KIRREL3: variants seen among roughly 807,000 people sequenced by gnomAD.
KIRREL3 encodes kin of IRRE-like protein 3.
In KIRREL3, 36 loss-of-function variants were observed where a neutral mutation model predicts 89.7. The ratio of observed to expected loss-of-function variants is 0.40; its 90% CI spans 0.31 to 0.53. The LOEUF is 0.53. Among genes scored for constraint, KIRREL3 ranks in the 20% least tolerant of loss-of-function variants. KIRREL3 has a pLI of 0.49. For synonymous variants in KIRREL3, 445 were observed against 441.4 expected (o/e 1.01, Z -0.10); for missense variants, 864 against 1,056.6 (o/e 0.82, Z 2.53).
rs927393091 is a variant in KIRREL3, at chr11:126,744,608, G to T, written c.56-181696C>A. 3.3e-5 allele frequency among the ~76,000 whole-genome samples: 5 copies of T among 152,338 alleles called. No homozygotes were observed. The highest frequency in any genetic ancestry group is 1.2e-4 in the African/African-American group (5 of 41,578). ...CAGAACAGACAGAGCCACTAAATGG[G>T]GCTGAGGAAAAGCACTCAGAGCCTT... is the stretch of plus-strand genomic sequence containing the variant. On this transcript the variant is annotated intron_variant, in intron 1 of 16. Coordinates refer to ENST00000525144, the MANE Select transcript of KIRREL3 (RefSeq NM_032531.4). This position sits in a 1 kb window ranked among gnomAD's most constrained non-coding sequence, Gnocchi z 4.7.
chr11:126,914,716 C>T (rs1224492383), intron 1 of KIRREL3, among the ~76,000 whole-genome samples: 1 of 152,252 alleles, frequency 6.6e-6, no homozygotes, highest in African/African-American at 2.4e-5. Flanking sequence ...GAGACTTTCA[C>T]TTTCATGTTT....
At chr11:126,545,350 C>T (rs971569397) in intron 2 of KIRREL3, among the ~76,000 whole-genome samples, 7 of 152,092 alleles carry the variant, frequency 4.6e-5, no homozygotes, top group South Asian at 2.1e-4. Context: ...CTATCTGGAT[C>T]GGGGAGACAT....
rs183042090 is a variant in KIRREL3, at chr11:126,676,291, G to C, written c.56-113379C>G. Reference sequence around the variant, plus strand: ...TCAGGAGGGAAACACTCAGGGCCAGGCCGAGGCAGAGAAGCTTCTGGAGGG... The same window carrying C: ...TCAGGAGGGAAACACTCAGGGCCAGCCCGAGGCAGAGAAGCTTCTGGAGGG... On this transcript the variant is annotated intron_variant, in intron 1 of 16. Transcript: ENST00000525144. This position sits in a 1 kb window ranked among gnomAD's most constrained non-coding sequence, Gnocchi z 4.5. 1.5e-3 allele frequency among the ~76,000 whole-genome samples: 222 copies of C among 152,316 alleles called. No homozygotes were observed. Among genetic ancestry groups the C allele is most frequent in the Non-Finnish European group, 2.1e-3 (141 of 68,030 alleles).
Position 126,931,443 on chromosome 11 carries a change from G to T in KIRREL3, c.55+69012C>A, listed in dbSNP as rs539827848. Reference sequence around the variant, plus strand: ...TCACTGCTGGTTATGTGAAAGGGAAGGAGGATATAAAGACGGATTTTATTG... The same window carrying T: ...TCACTGCTGGTTATGTGAAAGGGAATGAGGATATAAAGACGGATTTTATTG... On this transcript the variant is annotated intron_variant, in intron 1 of 16. Coordinates refer to ENST00000525144, the MANE Select transcript of KIRREL3 (RefSeq NM_032531.4). This position sits in a 1 kb window ranked among gnomAD's most constrained non-coding sequence, Gnocchi z 5.1. 1.6e-3 allele frequency among the ~76,000 whole-genome samples: 239 copies of T among 152,272 alleles called. 1 individual carries two copies. The highest frequency in any genetic ancestry group is 5.5e-3 in the African/African-American group (229 of 41,554).
intron 4 of KIRREL3, among the ~76,000 whole-genome samples, chr11:126,507,903 G>A (rs866364059): frequency 5.3e-5 from 8 of 152,180 alleles, no homozygotes; most frequent in Admixed American, 2.0e-4. Context: ...CCCATGCCTC[G>A]TGCTGCCTCT....
In KIRREL3 at chr11:126,795,807, C is replaced by T. The variant is rs1034876523; in HGVS notation, c.55+204648G>A. 6.6e-6 allele frequency among the ~76,000 whole-genome samples: 1 copy of T among 152,008 alleles called. No homozygotes were observed. Among genetic ancestry groups the T allele is most frequent in the Non-Finnish European group, 1.5e-5 (1 of 68,018 alleles). ...GCCACTTCAACCACCAGTTCTTCTT[C>T]CCCCTGTGCACCCCAAGAGCGTACA... On this transcript the variant is annotated intron_variant, in intron 1 of 16. Coordinates refer to ENST00000525144, the MANE Select transcript of KIRREL3 (RefSeq NM_032531.4). This position sits in a 1 kb window ranked among gnomAD's most constrained non-coding sequence, Gnocchi z 4.1.
chr11:126,521,207 G>A lies in KIRREL3; in HGVS notation c.433+108C>T. 8.3e-7 allele frequency: 1 copy of A among 1,197,990 alleles called. No individual in the cohort carries two copies. The highest frequency in any genetic ancestry group is 3.0e-5 in the Admixed American group (1 of 32,844). 74.2% of individuals were successfully genotyped at this position (1,197,990 alleles called of 1,614,324 possible). On this transcript the variant is annotated intron_variant, in intron 4 of 16. Coordinates refer to ENST00000525144, the MANE Select transcript of KIRREL3 (RefSeq NM_032531.4). The surrounding 1 kb of genome is among the most constrained non-coding windows in gnomAD (Gnocchi z 4.1). ...AGCAGTGTCTGGAGCCCTGTGGGAT[G>A]ATCCCCAGAGGGGAGTCTCCCCATG... is the stretch of plus-strand genomic sequence containing the variant.
chr11:126,750,083 T>C lies in KIRREL3; in HGVS notation c.56-187171A>G, dbSNP rs547481858. Among the ~76,000 whole-genome samples, 1 of 152,310 alleles carries C rather than the reference T, an allele frequency of 6.6e-6. No individual in the cohort carries two copies. The highest frequency in any genetic ancestry group is 1.9e-4 in the East Asian group (1 of 5,186). On this transcript the variant is annotated intron_variant, in intron 1 of 16. Transcript: ENST00000525144. The surrounding 1 kb of genome is among the most constrained non-coding windows in gnomAD (Gnocchi z 4.2). ...CAGGCTGTGCTACTTAAATGGGGGC[T>C]TTTTGTGGATATTGAAAATAATGGA...
rs370271693 is a variant in KIRREL3, at chr11:126,521,474, C to T, written c.284-10G>A. ...AGGTACTGTGGGTAACCTGTGGAGA[C>T]AACAGGCAGGTCAGGGAGCTGGGGT... On this transcript the variant is annotated splice_polypyrimidine_tract_variant and intron_variant, in intron 3 of 16. Coordinates refer to ENST00000525144, the MANE Select transcript of KIRREL3 (RefSeq NM_032531.4). This position sits in a 1 kb window ranked among gnomAD's most constrained non-coding sequence, Gnocchi z 4.1. The T allele has an allele frequency of 2.0e-5, 31 of 1,578,164 alleles. No homozygotes were observed. In the South Asian group the frequency reaches 3.0e-4, roughly 15 times the overall value.
chr11:126,589,967 T>A (rs1942059741), intron 1 of KIRREL3, among the ~76,000 whole-genome samples: 1 of 152,198 alleles, frequency 6.6e-6, no homozygotes, highest in African/African-American at 2.4e-5. Context: ...AGGGGCTCCC[T>A]CTGAATACCA....
chr11:126,649,895 G>A (rs1324197946), intron 1 of KIRREL3, among the ~76,000 whole-genome samples: 3 of 152,238 alleles, frequency 2.0e-5, no homozygotes, highest in Non-Finnish European at 4.4e-5. Flanking sequence ...TTCTCCATGA[G>A]GTTCCCACCC....
chr11:126,610,263 G>A lies in KIRREL3; in HGVS notation c.56-47351C>T, dbSNP rs1299120417. On this transcript the variant is annotated intron_variant, in intron 1 of 16. Transcript: ENST00000525144. This position sits in a 1 kb window ranked among gnomAD's most constrained non-coding sequence, Gnocchi z 4.6. ...GCACCACCACGCCTGGCTAATTTTTGTATTTTTAATAGAGATGGGGGTTTC... is the reference window on the plus strand; with the variant it reads ...GCACCACCACGCCTGGCTAATTTTTATATTTTTAATAGAGATGGGGGTTTC... 6.6e-6 allele frequency among the ~76,000 whole-genome samples: 1 copy of A among 152,104 alleles called. No individual in the cohort carries two copies. Among genetic ancestry groups the A allele is most frequent in the African/African-American group, 2.4e-5 (1 of 41,412 alleles).
intron 2 of KIRREL3, among the ~76,000 whole-genome samples, chr11:126,556,890 C>T (rs749396266): frequency 1.3e-5 from 2 of 152,152 alleles, no homozygotes; most frequent in Non-Finnish European, 2.9e-5. Context: ...GGATATTATA[C>T]AAATAACGGG....
At position 126,678,461 on chromosome 11, in the gene KIRREL3, A is replaced by G. The variant is rs560149560; in HGVS notation, c.56-115549T>C. On this transcript the variant is annotated intron_variant, in intron 1 of 16. Transcript: ENST00000525144. ...TAAAAATACAAAAAATTAGCCAGGC[A>G]TGGTGGCAGGCGCCTGTAGTCCCAG... is the stretch of plus-strand genomic sequence containing the variant. Among the ~76,000 whole-genome samples the G allele has an allele frequency of 1.4e-4, 21 of 152,076 alleles. No homozygotes were observed. In the East Asian group the frequency reaches 3.9e-3, roughly 28 times the overall value.
In KIRREL3 at chr11:126,498,227, A is replaced by G. The variant is rs1457123162; in HGVS notation, c.433+23088T>C. ...GGGGAAGAGAGGGGTAGCACAAAAG[A>G]GGATTTACTTTCTTCCCCCAAAATG... is the stretch of plus-strand genomic sequence containing the variant. On this transcript the variant is annotated intron_variant, in intron 4 of 16. Transcript: ENST00000525144. This position sits in a 1 kb window ranked among gnomAD's most constrained non-coding sequence, Gnocchi z 4.3. Among the ~76,000 whole-genome samples, 1 of 152,198 alleles carries G rather than the reference A, an allele frequency of 6.6e-6. No individual in the cohort carries two copies. The highest frequency in any genetic ancestry group is 1.5e-5 in the Non-Finnish European group (1 of 68,022).
Position 126,900,413 on chromosome 11 carries a change from G to A in KIRREL3, c.55+100042C>T, listed in dbSNP as rs892949522. ...ATAACAAACACAAAAAAGAAAGCCT[G>A]CATGTTTATTGATAACAACCTGATA... is the stretch of plus-strand genomic sequence containing the variant. On this transcript the variant is annotated intron_variant, in intron 1 of 16. Transcript: ENST00000525144. This position sits in a 1 kb window ranked among gnomAD's most constrained non-coding sequence, Gnocchi z 4.4. 1.7e-4 allele frequency among the ~76,000 whole-genome samples: 26 copies of A among 152,286 alleles called. No homozygotes were observed. The highest frequency in any genetic ancestry group is 6.3e-4 in the African/African-American group (26 of 41,556).
Position 126,535,664 on chromosome 11 carries a change from G to A in KIRREL3, c.134-8977C>T, listed in dbSNP as rs1370484783. Among the ~76,000 whole-genome samples the A allele has an allele frequency of 6.6e-6, 1 of 152,118 alleles. No individual in the cohort carries two copies. The highest frequency in any genetic ancestry group is 1.9e-4 in the East Asian group (1 of 5,178). On this transcript the variant is annotated intron_variant, in intron 2 of 16. Coordinates refer to ENST00000525144, the MANE Select transcript of KIRREL3 (RefSeq NM_032531.4). This position sits in a 1 kb window ranked among gnomAD's most constrained non-coding sequence, Gnocchi z 4.5. ...CCTTTTCTCCAGCCAGACATTTGCT[G>A]CTTCTATTCCTTATCAAGCACTTAA...
Position 126,906,964 on chromosome 11 carries a change from A to G in KIRREL3, c.55+93491T>C, listed in dbSNP as rs1946613353. Among the ~76,000 whole-genome samples the G allele has an allele frequency of 1.3e-5, 2 of 152,350 alleles. No homozygotes were observed. The highest frequency in any genetic ancestry group is 4.1e-4 in the South Asian group (2 of 4,820). On this transcript the variant is annotated intron_variant, in intron 1 of 16. Transcript: ENST00000525144. The surrounding 1 kb of genome is among the most constrained non-coding windows in gnomAD (Gnocchi z 4.1). ...CATTGTTTAGATATTGAAAGACAGG[A>G]GGGAAGCAGACCTAGGAAGGAATCC...
At chr11:126,816,042 CTTG>C (rs778235336) in intron 1 of KIRREL3, among the ~76,000 whole-genome samples, 15 of 152,162 alleles carry the variant, frequency 9.9e-5, no homozygotes, top group Non-Finnish European at 2.2e-4. Context: ...AACCTCTTTC[CTTG>C]TTATTTATTT....
Sources: gnomAD v4.1 joint callset for allele counts (sites outside exome capture counted in the v4.1 genomes callset) on GRCh38, gnomAD v4.1.1 for gene constraint, Gnocchi (gnomAD v3.1) non-coding constraint, MANE v1.5 for transcripts, NCBI Gene and HGNC (gene_info 2026-07-23, HGNC 2026-07-21) for gene names.